BMAL2: variants seen among roughly 807,000 people sequenced by gnomAD.
The protein encoded by BMAL2 is basic helix-loop-helix ARNT-like protein 2.
At chr12:27,379,125 T>G in the BMAL2 span, among the ~76,000 whole-genome samples, 14 of 152,294 alleles carry the variant, frequency 9.2e-5, no homozygotes, top group East Asian at 2.7e-3. Context: ...TTGGACAAGC[T>G]TAGTCTAGAT....
the BMAL2 span, among the ~76,000 whole-genome samples, chr12:27,337,480 A>T: frequency 3.2e-4 from 49 of 152,306 alleles, 1 homozygote; most frequent in South Asian, 4.4e-3. Flanking sequence ...TTTCCCCAAC[A>T]TAATGTACAC....
At chr12:27,401,724 C>A in the BMAL2 span, 1 of 1,338,554 alleles carries the variant, frequency 7.5e-7, no homozygotes, top group South Asian at 1.5e-5. Context: ...AAATGAGTCT[C>A]TTTGCTTTTC....
the BMAL2 span, among the ~76,000 whole-genome samples, chr12:27,388,577 T>C: frequency 6.6e-6 from 1 of 151,018 alleles, no homozygotes; most frequent in African/African-American, 2.4e-5. Flanking sequence ...GAGAAGGGAG[T>C]CCCGGAAGTC....
chr12:27,404,590 A>G, the BMAL2 span, among the ~76,000 whole-genome samples: 1 of 152,334 alleles, frequency 6.6e-6, no homozygotes, highest in Admixed American at 6.5e-5. Flanking sequence ...TCAGAGTTCA[A>G]AGTAGAACTA....
the BMAL2 span, among the ~76,000 whole-genome samples, chr12:27,361,298 C>T: frequency 2.6e-4 from 40 of 151,976 alleles, no homozygotes; most frequent in Non-Finnish European, 5.1e-4. Context: ...AAATAGTAGA[C>T]CTTTGAAATA....
the BMAL2 span, among the ~76,000 whole-genome samples, chr12:27,374,704 C>T: frequency 5.2e-4 from 79 of 152,276 alleles, no homozygotes; most frequent in African/African-American, 1.6e-3. Flanking sequence ...AACAGGCTGA[C>T]GGTGGTGAGA....
the BMAL2 span, among the ~76,000 whole-genome samples, chr12:27,397,643 CA>C: frequency 6.6e-6 from 1 of 152,112 alleles, no homozygotes; most frequent in Non-Finnish European, 1.5e-5. Context: ...ATAACATTGA[CA>C]TTTTAAAAAA....
the BMAL2 span, among the ~76,000 whole-genome samples, chr12:27,378,423 A>G: frequency 3.3e-5 from 5 of 152,238 alleles, no homozygotes; most frequent in African/African-American, 1.2e-4. Flanking sequence ...TTGAAGAAAG[A>G]ATAGGATTTC....
At chr12:27,406,647 A>C in the BMAL2 span, among the ~76,000 whole-genome samples, 1 of 152,218 alleles carries the variant, frequency 6.6e-6, no homozygotes, top group African/African-American at 2.4e-5. Context: ...AACATGCCAA[A>C]TTGTAAACCA....
chr12:27,410,514 A>C, the BMAL2 span, among the ~76,000 whole-genome samples: 1 of 152,164 alleles, frequency 6.6e-6, no homozygotes, highest in Non-Finnish European at 1.5e-5. Context: ...CAAACACCGC[A>C]TGTTCTCACT....
chr12:27,393,520 TAA>T, the BMAL2 span, among the ~76,000 whole-genome samples: 61 of 152,262 alleles, frequency 4.0e-4, no homozygotes, highest in African/African-American at 1.5e-3. Flanking sequence ...TGAGAAATGG[TAA>T]GTAGGGATGC....
At chr12:27,390,948 C>G in the BMAL2 span, among the ~76,000 whole-genome samples, 7 of 152,098 alleles carry the variant, frequency 4.6e-5, no homozygotes, top group Non-Finnish European at 1.0e-4. Context: ...AAGTTTTGGT[C>G]GGAATCTTTT....
At chr12:27,388,985 T>C in the BMAL2 span, among the ~76,000 whole-genome samples, 4 of 152,356 alleles carry the variant, frequency 2.6e-5, no homozygotes, top group South Asian at 8.3e-4. Flanking sequence ...GATGGTTCTA[T>C]ACGCATGTAT....
At chr12:27,356,021 T>C in the BMAL2 span, among the ~76,000 whole-genome samples, 7 of 152,194 alleles carry the variant, frequency 4.6e-5, no homozygotes, top group Admixed American at 4.6e-4. Context: ...ATATTGTATC[T>C]GAGATGTGAT....
chr12:27,393,011 C>T, the BMAL2 span, among the ~76,000 whole-genome samples: 390 of 152,252 alleles, frequency 2.6e-3, 1 homozygote, highest in African/African-American at 9.1e-3. Context: ...GTATTCTCTC[C>T]CCTCCACCCT....
chr12:27,346,620 A>G, the BMAL2 span, among the ~76,000 whole-genome samples: 1 of 152,106 alleles, frequency 6.6e-6, no homozygotes, highest in African/African-American at 2.4e-5. Flanking sequence ...CACTTTTCCT[A>G]TGTGGCTGTT....
the BMAL2 span, chr12:27,422,111 T>C: frequency 1.3e-5 from 2 of 152,240 alleles, no homozygotes; most frequent in African/African-American, 2.4e-5. Flanking sequence ...ATTAAGATTA[T>C]TTAAAATACT....
chr12:27,375,907 A>T, the BMAL2 span, among the ~76,000 whole-genome samples: 1 of 152,230 alleles, frequency 6.6e-6, no homozygotes, highest in Non-Finnish European at 1.5e-5. Context: ...GGCAAAATAA[A>T]TTCCTTTTGA....
chr12:27,343,129 A>G, the BMAL2 span, among the ~76,000 whole-genome samples: 4 of 152,368 alleles, frequency 2.6e-5, no homozygotes, highest in South Asian at 6.2e-4. Context: ...TGTAGGGCAT[A>G]TTATGCCGAG....
Sources: gnomAD v4.1 joint callset for allele counts (sites outside exome capture counted in the v4.1 genomes callset) on GRCh38, gnomAD v4.1.1 for gene constraint, MANE v1.5 for transcripts, NCBI Gene and HGNC (gene_info 2026-07-23, HGNC 2026-07-21) for gene names.